Variants in DNAI4 observed in about 807,000 individuals in gnomAD.
DNAI4 encodes the protein WD repeat domain 78.
A neutral mutation model predicts 105.8 loss-of-function variants in DNAI4; 85 were observed. The observed-to-expected ratio is 0.80, with a 90% CI of 0.67 to 0.96. DNAI4 has a LOEUF of 0.96. DNAI4 is among the 40% of genes least tolerant of loss of function. DNAI4 has a pLI of 0.00. For synonymous variants in DNAI4, 352 were observed against 331.5 expected (o/e 1.06, Z -0.67); for missense variants, 1,014 against 1,005.6 (o/e 1.01, Z -0.11).
At chr1:66,819,342 C>A (rs1645578729) in intron 16 of DNAI4, among the ~76,000 whole-genome samples, 1 of 152,170 alleles carries the variant, frequency 6.6e-6, no homozygotes. Flanking sequence ...AAAGCATTCT[C>A]TTATTTTCCT....
At chr1:66,840,200 C>A (rs983588665) in intron 9 of DNAI4, among the ~76,000 whole-genome samples, 35 of 152,058 alleles carry the variant, frequency 2.3e-4, no homozygotes, top group Non-Finnish European at 2.9e-5. Context: ...CAGAGAATGC[C>A]ATGTCTCAAG....
chr1:66,892,999 G>GAAAGAAAGAAAGAGAA (rs747069069), intron 3 of DNAI4, among the ~76,000 whole-genome samples: 11 of 70,246 alleles, frequency 1.6e-4, no homozygotes, highest in African/African-American at 6.8e-4. Flanking sequence ...GAAAGAAAGA[G>GAAAGAAAGAAAGAGAA]AGAAAGAGAG....
At chr1:66,923,935 G>A (rs1190388850) in intron 1 of DNAI4, among the ~76,000 whole-genome samples, 2 of 152,194 alleles carry the variant, frequency 1.3e-5, no homozygotes, top group Non-Finnish European at 2.9e-5. Context: ...CAGAATGTTG[G>A]AAGCAGGAAT....
At chr1:66,884,865 T>C (rs1647159817) in intron 4 of DNAI4, among the ~76,000 whole-genome samples, 1 of 152,282 alleles carries the variant, frequency 6.6e-6, no homozygotes, top group Admixed American at 6.5e-5. Flanking sequence ...TCAAAGTACC[T>C]TGTCAGCAGC....
rs1647563517 is a variant in DNAI4 at position 66,890,858 on chromosome 1, G to A, written c.643+296C>T. The stretch of plus-strand genomic sequence containing the variant: ...GGAAGAAAAGGAAGAGGAAGAAGAA[G>A]AGGAAGAGGAAGAAGAAGAAGAAGA... On this transcript the variant is annotated intron_variant, in intron 4 of 16. Coordinates refer to ENST00000371026, the MANE Select transcript of DNAI4 (RefSeq NM_024763.5). The surrounding 1 kb of genome is among the most constrained non-coding windows in gnomAD (Gnocchi z 4.1). The A allele has an allele frequency of 2.4e-6, 1 of 414,970 alleles. No individual in the cohort carries two copies. Among genetic ancestry groups the A allele is most frequent in the Non-Finnish European group, 4.3e-6 (1 of 231,984 alleles). 25.7% of individuals were successfully genotyped at this position (414,970 alleles called of 1,614,324 possible).
intron 6 of DNAI4, among the ~76,000 whole-genome samples, chr1:66,869,980 T>G (rs74078496): frequency 6.6e-6 from 1 of 152,300 alleles, no homozygotes; most frequent in African/African-American, 2.4e-5. Context: ...CTCATGTTCT[T>G]CCACATAAAA....
At chr1:66,876,805 A>T (rs1042692417) in intron 4 of DNAI4, among the ~76,000 whole-genome samples, 5 of 151,838 alleles carry the variant, frequency 3.3e-5, no homozygotes, top group African/African-American at 1.2e-4. Context: ...TTGACTGCCA[A>T]TGATGGAGGG....
chr1:66,861,995 G>T, intron 7 of DNAI4, 152 bp downstream of exon 7: 1 of 719,724 alleles, frequency 1.4e-6, no homozygotes, highest in Non-Finnish European at 2.1e-6. Flanking sequence ...TTAAGTCCAA[G>T]ACCATGTGAT....
At chr1:66,874,687 G>T in intron 5 of DNAI4, 94 bp downstream of exon 5, 1 of 1,337,360 alleles carries the variant, frequency 7.5e-7, no homozygotes, top group Non-Finnish European at 1.0e-6. Context: ...GTATACCCCA[G>T]AACCCCCAAG....
intron 15 of DNAI4, among the ~76,000 whole-genome samples, chr1:66,826,027 C>G (rs571726360): frequency 3.9e-5 from 6 of 152,088 alleles, no homozygotes; most frequent in African/African-American, 1.4e-4. Context: ...TTTAGACAAT[C>G]CTCTAATAAC....
chr1:66,912,346 G>A (rs1413295502), intron 1 of DNAI4, among the ~76,000 whole-genome samples: 1 of 151,962 alleles, frequency 6.6e-6, no homozygotes, highest in Admixed American at 6.6e-5. Context: ...GGACACACCT[G>A]TAATCCCAGC....
intron 4 of DNAI4, among the ~76,000 whole-genome samples, chr1:66,878,235 A>G (rs1646999159): frequency 6.6e-6 from 1 of 152,164 alleles, no homozygotes; most frequent in African/African-American, 2.4e-5. Flanking sequence ...TTATAATCCA[A>G]TTCTACAATA....
At chr1:66,856,837 T>C (rs1340389340) in intron 7 of DNAI4, among the ~76,000 whole-genome samples, 2 of 151,762 alleles carry the variant, frequency 1.3e-5, no homozygotes, top group Non-Finnish European at 2.9e-5. Flanking sequence ...GCAAAAACAG[T>C]TCTTAGAGAA....
intron 1 of DNAI4, chr1:66,919,211 T>C: frequency 3.1e-6 from 1 of 325,346 alleles, no homozygotes; most frequent in South Asian, 2.5e-5. Context: ...TCCTGAACCT[T>C]GGCACAATAA....
At chr1:66,895,242 G>C (rs538776830) in intron 2 of DNAI4, among the ~76,000 whole-genome samples, 1 of 152,348 alleles carries the variant, frequency 6.6e-6, no homozygotes, top group African/African-American at 2.4e-5. Flanking sequence ...GCTCTGGGAG[G>C]TCAAGGCAGA....
intron 13 of DNAI4, among the ~76,000 whole-genome samples, chr1:66,833,215 T>TA (rs542868047): frequency 3.9e-4 from 59 of 151,996 alleles, no homozygotes; most frequent in African/African-American, 6.3e-4. Context: ...AGCACAATTT[T>TA]AAAAAAAAGC....
chr1:66,853,457 G>A (rs1210857753), intron 7 of DNAI4, among the ~76,000 whole-genome samples: 3 of 152,170 alleles, frequency 2.0e-5, no homozygotes, highest in African/African-American at 7.2e-5. Flanking sequence ...CATAGCAAAG[G>A]GAAGTTTTAA....
intron 1 of DNAI4, among the ~76,000 whole-genome samples, chr1:66,907,973 C>G (rs1649385046): frequency 6.6e-6 from 1 of 152,212 alleles, no homozygotes; most frequent in Non-Finnish European, 1.5e-5. Flanking sequence ...CCATCTTTCT[C>G]ATGCCATCTC....
At chr1:66,866,141 T>C (rs917478753) in intron 6 of DNAI4, among the ~76,000 whole-genome samples, 14 of 151,988 alleles carry the variant, frequency 9.2e-5, no homozygotes, top group Non-Finnish European at 1.6e-4. Context: ...ATCCCATCTC[T>C]AGTAAAAATA....
Sources: allele counts gnomAD v4.1 joint callset (sites outside exome capture counted in the v4.1 genomes callset), GRCh38; gene constraint gnomAD v4.1.1; non-coding constraint Gnocchi (gnomAD v3.1); transcripts MANE v1.5; gene names NCBI Gene and HGNC (gene_info 2026-07-23, HGNC 2026-07-21).